NAP1L4: variants seen among roughly 807,000 people sequenced by gnomAD.
NAP1L4 encodes nucleosome assembly protein 1 like 4, also known as nucleosome assembly protein 1-like 4.
Under a neutral mutation model 58.2 loss-of-function variants are expected in NAP1L4, and 15 were observed. That is an observed-to-expected ratio of 0.26 (90% CI 0.17 to 0.40). NAP1L4 has a LOEUF of 0.40. NAP1L4 is among the 10% of genes least tolerant of loss of function. NAP1L4 has a pLI of 1.00. For synonymous variants in NAP1L4, 171 were observed against 155.6 expected (o/e 1.10, Z -0.74); for missense variants, 384 against 451.1 (o/e 0.85, Z 1.35).
chr11:2,967,339 A>G (rs1019295324), intron 7 of NAP1L4, among the ~76,000 whole-genome samples: 10 of 152,316 alleles, frequency 6.6e-5, no homozygotes, highest in South Asian at 2.1e-4. Context: ...TTGGCCGGGC[A>G]CGGTGGCTCA....
chr11:2,975,645 G>GT (rs879711008), intron 4 of NAP1L4, among the ~76,000 whole-genome samples: 510 of 145,636 alleles, frequency 3.5e-3, no homozygotes, highest in Admixed American at 3.6e-3. Context: ...ACTATGCCCA[G>GT]TTTTTTTTTT....
At chr11:2,972,420 G>T in intron 4 of NAP1L4, 177 bp from the exon 5 acceptor site, 1 of 434,814 alleles carries the variant, frequency 2.3e-6, no homozygotes, top group Non-Finnish European at 3.9e-6. Flanking sequence ...GATACAGGAG[G>T]AAGCAGAAAA....
intron 8 of NAP1L4, among the ~76,000 whole-genome samples, chr11:2,963,108 AAAAAAAAG>A (rs1370082992): frequency 8.6e-5 from 13 of 151,074 alleles, no homozygotes; most frequent in African/African-American, 2.9e-4. Context: ...CAAAAAAAAA[AAAAAAAAG>A]AAAAAAGAAA....
At chr11:2,967,575 C>A (rs2133958602) in intron 7 of NAP1L4, among the ~76,000 whole-genome samples, 1 of 148,562 alleles carries the variant, frequency 6.7e-6, no homozygotes, top group South Asian at 2.1e-4. Flanking sequence ...CACGCCACTG[C>A]ACTCCAGCCT....
At chr11:2,964,274 C>A (rs1037869970) in intron 8 of NAP1L4, among the ~76,000 whole-genome samples, 1 of 152,164 alleles carries the variant, frequency 6.6e-6, no homozygotes, top group African/African-American at 2.4e-5. Flanking sequence ...ATGGTATCAT[C>A]TCCACCCAAC....
chr11:2,963,476 C>G (rs1300688602), intron 8 of NAP1L4, among the ~76,000 whole-genome samples: 2 of 152,200 alleles, frequency 1.3e-5, no homozygotes, highest in African/African-American at 4.8e-5. Context: ...GCATCACTCC[C>G]AGCTCCCAGG....
chr11:2,990,275 A>G (rs1848882093), intron 1 of NAP1L4: 1 of 152,236 alleles, frequency 6.6e-6, no homozygotes. Flanking sequence ...GTTCATAAAA[A>G]TCACATCATA....
At chr11:2,964,595 G>A in intron 8 of NAP1L4, 85 bp downstream of exon 8, 1 of 1,146,972 alleles carries the variant, frequency 8.7e-7, no homozygotes, top group Non-Finnish European at 1.3e-6. Flanking sequence ...GGGTTTTGTG[G>A]GTTTCTTGCC....
rs12805915 is a variant in NAP1L4 at position 2,948,541 on chromosome 11, G to A, written c.*32+686C>T. Among the ~76,000 whole-genome samples, 40,013 of 152,080 alleles carry A rather than the reference G, an allele frequency of 0.26. 7,031 individuals are homozygous for A. The highest frequency in any genetic ancestry group is 0.67 in the East Asian group (3,476 of 5,150). ...CCTCCTGTCAGCATTCCAGGACAGG[G>A]CAGAGCTACAGGGACTGAAGAAAGT... On this transcript the variant is annotated intron_variant, in intron 15 of 15. Coordinates refer to ENST00000380542, the MANE Select transcript of NAP1L4 (RefSeq NM_005969.4). The surrounding 1 kb of genome is among the most constrained non-coding windows in gnomAD (Gnocchi z 5.1).
chr11:2,984,306 C>T (rs1303714198), intron 1 of NAP1L4, among the ~76,000 whole-genome samples: 2 of 152,092 alleles, frequency 1.3e-5, no homozygotes, highest in Non-Finnish European at 1.5e-5. Context: ...GGTGTGGTGG[C>T]TCCCACCTGT....
intron 1 of NAP1L4, among the ~76,000 whole-genome samples, chr11:2,981,058 C>G (rs138630756): frequency 1.3e-5 from 2 of 151,506 alleles, no homozygotes; most frequent in Admixed American, 1.3e-4. Flanking sequence ...GGGGAAACCT[C>G]GTCTCTACAA....
chr11:2,986,273 C>G (rs888699259), intron 1 of NAP1L4, among the ~76,000 whole-genome samples: 4 of 151,670 alleles, frequency 2.6e-5, no homozygotes, highest in Non-Finnish European at 5.9e-5. Context: ...ACTCAGGAGG[C>G]TGAGGCAGGA....
At chr11:2,967,000 C>T (rs911328246) in intron 7 of NAP1L4, among the ~76,000 whole-genome samples, 4 of 152,184 alleles carry the variant, frequency 2.6e-5, no homozygotes, top group South Asian at 2.1e-4. Context: ...GCACTCAGAT[C>T]GTAAAGCCAC....
At chr11:2,956,025 T>A (rs1010034985) in intron 10 of NAP1L4, among the ~76,000 whole-genome samples, 1 of 152,174 alleles carries the variant, frequency 6.6e-6, no homozygotes, top group African/African-American at 2.4e-5. Context: ...GCACTCAAGC[T>A]TGAGAAGATC....
chr11:2,952,846 A>G (rs568130714), intron 12 of NAP1L4: 1 of 152,432 alleles, frequency 6.6e-6, no homozygotes, highest in South Asian at 2.1e-4. Context: ...ACCTGGGCAG[A>G]GCAGGAGCTG....
intron 1 of NAP1L4, among the ~76,000 whole-genome samples, chr11:2,987,398 GCTTC>G (rs1253288233): frequency 6.6e-6 from 1 of 151,344 alleles, no homozygotes; most frequent in African/African-American, 2.4e-5. Context: ...GCCCACCTCA[GCTTC>G]CCCCAAAGTG....
chr11:2,969,906 G>C lies in NAP1L4; in HGVS notation c.431C>G (p.Thr144Arg). 1.9e-6 allele frequency: 3 copies of C among 1,613,496 alleles called. No individual in the cohort carries two copies. The highest frequency in any genetic ancestry group is 2.5e-6 in the Non-Finnish European group (3 of 1,179,678). Reference sequence around the variant, plus strand: ...TTCAGCCGTTGCCGCTGCTTTTTCTGTGACGACTACTTTACTTTTCATGTC... The same window carrying C: ...TTCAGCCGTTGCCGCTGCTTTTTCTCTGACGACTACTTTACTTTTCATGTC... ...AGDMKSKVVV[T>R]EKAAATAEEP... Residue 144 changes from threonine to arginine, a missense_variant, in exon 7 of 16, where the codon ACA becomes AGA. By Grantham distance (71) the Thr-to-Arg change is moderately conservative (BLOSUM62 -1). Transcript: ENST00000380542.
At position 2,955,939 on chromosome 11, in the gene NAP1L4, T is replaced by C. The variant is rs1846514261; in HGVS notation, c.893-173A>G. ...CTCACAGACATCTTTGCAAGCTCCA[T>C]CCACCACTTCTGAAGCTGGCCTGAG... On this transcript the variant is annotated intron_variant, in intron 10 of 15. Coordinates refer to ENST00000380542, the MANE Select transcript of NAP1L4 (RefSeq NM_005969.4). This position sits in a 1 kb window ranked among gnomAD's most constrained non-coding sequence, Gnocchi z 4.2. The C allele has an allele frequency of 1.9e-5, 12 of 631,314 alleles. No individual in the cohort carries two copies. Among genetic ancestry groups the C allele is most frequent in the Non-Finnish European group, 3.3e-5 (12 of 363,224 alleles). 39.1% of individuals were successfully genotyped at this position (631,314 alleles called of 1,614,324 possible). A position where few individuals can be genotyped will look rare whatever the true frequency, so the allele number is the denominator to read the frequency against.
Position 2,959,966 on chromosome 11 carries a change from AT to A in NAP1L4, c.607-58del. ...TAAAATAGAAAAATAACGAGGACAGATTGCTTGGAGTACACAACACTTACTA... is the reference window on the plus strand; with the variant it reads ...TAAAATAGAAAAATAACGAGGACAGATGCTTGGAGTACACAACACTTACTA... On this transcript the variant is annotated intron_variant, in intron 8 of 15. Coordinates refer to ENST00000380542, the MANE Select transcript of NAP1L4 (RefSeq NM_005969.4). This position sits in a 1 kb window ranked among gnomAD's most constrained non-coding sequence, Gnocchi z 4.9. 6.4e-7 allele frequency: 1 copy of A among 1,567,252 alleles called. No individual in the cohort carries two copies. Among genetic ancestry groups the A allele is most frequent in the South Asian group, 1.1e-5 (1 of 87,720 alleles).
Sources: gnomAD v4.1 joint callset for allele counts (sites outside exome capture counted in the v4.1 genomes callset) on GRCh38, gnomAD v4.1.1 for gene constraint, Gnocchi (gnomAD v3.1) non-coding constraint, MANE v1.5 for transcripts, NCBI Gene and HGNC (gene_info 2026-07-23, HGNC 2026-07-21) for gene names.